Variants in SYT1 observed in about 807,000 individuals in gnomAD.
SYT1 encodes the protein synaptotagmin 1, also known as synaptotagmin-1.
SYT1 carries 8 observed loss-of-function variants against 44.8 expected under a neutral mutation model. The ratio of observed to expected loss-of-function variants is 0.18; its 90% CI spans 0.10 to 0.32. The LOEUF is 0.32. Ranked by LOEUF, SYT1 falls within the 10% of genes least tolerant of loss-of-function variation. SYT1 has a pLI of 1.00. For synonymous variants in SYT1, 154 were observed against 188.8 expected (o/e 0.82, Z 1.51); for missense variants, 286 against 509.3 (o/e 0.56, Z 4.22).
rs549219307 is a variant in SYT1 at position 79,060,475 on chromosome 12, C to T, written c.-18+13113C>T. 3.9e-5 allele frequency among the ~76,000 whole-genome samples: 6 copies of T among 152,102 alleles called. No individual in the cohort carries two copies. In the East Asian group the frequency reaches 9.7e-4, roughly 25 times the overall value. On this transcript the variant is annotated intron_variant, in intron 3 of 10. Coordinates refer to ENST00000261205, the MANE Select transcript of SYT1 (RefSeq NM_005639.3). ...CTCCGTACATATTAAACAGCAACTCCCCATTCCCCCTCCCTGCAGCCCCTG... is the reference window on the plus strand; with the variant it reads ...CTCCGTACATATTAAACAGCAACTCTCCATTCCCCCTCCCTGCAGCCCCTG...
chr12:78,972,147 T>C (rs1868425574), intron 1 of SYT1, among the ~76,000 whole-genome samples: 1 of 152,108 alleles, frequency 6.6e-6, no homozygotes, highest in South Asian at 2.1e-4. Context: ...TCTTCTATTT[T>C]CTCCCCCATT....
At chr12:78,937,286 G>A (rs989278062) in intron 1 of SYT1, among the ~76,000 whole-genome samples, 2 of 152,024 alleles carry the variant, frequency 1.3e-5, no homozygotes, top group African/African-American at 4.8e-5. Context: ...TTGGAGATAG[G>A]AGGAACAGTA....
At chr12:79,294,773 T>G (rs1015901213) in intron 6 of SYT1, among the ~76,000 whole-genome samples, 1 of 152,158 alleles carries the variant, frequency 6.6e-6, no homozygotes, top group African/African-American at 2.4e-5. Flanking sequence ...GACTGTTTCC[T>G]TTACTAATCA....
chr12:78,870,077 A>T (rs1773618381), intron 1 of SYT1, among the ~76,000 whole-genome samples: 1 of 152,082 alleles, frequency 6.6e-6, no homozygotes, highest in Non-Finnish European at 1.5e-5. Context: ...TTCCATGTAG[A>T]ACGGGAATGG....
chr12:79,179,021 G>GAT (rs1408222807), intron 3 of SYT1, among the ~76,000 whole-genome samples: 11 of 31,020 alleles, frequency 3.5e-4, no homozygotes, highest in South Asian at 3.3e-3. Flanking sequence ...TATAGATATA[G>GAT]ATATAGATAT....
rs1472934197 is a variant in SYT1, at chr12:79,330,022, T to G, written c.811-23480T>G. 2.0e-5 allele frequency among the ~76,000 whole-genome samples: 3 copies of G among 152,198 alleles called. No individual in the cohort carries two copies. In the East Asian group the frequency reaches 5.8e-4, roughly 29 times the overall value. On this transcript the variant is annotated intron_variant, in intron 8 of 10. Transcript: ENST00000261205. The stretch of plus-strand genomic sequence containing the variant: ...CCCTATAAGGAGAGAGGAATAAATT[T>G]TATTACCCCTCCTGAGTCAAGGCAC...
intron 3 of SYT1, among the ~76,000 whole-genome samples, chr12:79,170,312 C>T (rs760885019): frequency 1.4e-4 from 21 of 152,140 alleles, no homozygotes; most frequent in South Asian, 4.1e-4. Flanking sequence ...TACACTCCCA[C>T]CAACAATGTA....
chr12:78,968,135 G>T (rs539954703), intron 1 of SYT1, among the ~76,000 whole-genome samples: 3 of 152,080 alleles, frequency 2.0e-5, no homozygotes, highest in Non-Finnish European at 2.9e-5. Flanking sequence ...GGAGTATATG[G>T]TTAAATAGGA....
At chr12:78,884,656 A>G (rs1449898621) in intron 1 of SYT1, among the ~76,000 whole-genome samples, 2 of 151,230 alleles carry the variant, frequency 1.3e-5, no homozygotes, top group African/African-American at 4.8e-5. Context: ...ACATTCAGAC[A>G]TTATAAATAA....
rs565776083 is a variant in SYT1, at chr12:78,909,997, G to A, written c.-217+44888G>A. On this transcript the variant is annotated intron_variant, in intron 1 of 10. Coordinates refer to ENST00000261205, the MANE Select transcript of SYT1 (RefSeq NM_005639.3). ...TTGTTTGACCCCTTCTTCCTCCTCT[G>A]TTCACATATATCCAGCTTGGCATTA... 3.9e-5 allele frequency among the ~76,000 whole-genome samples: 6 copies of A among 151,944 alleles called. No individual in the cohort carries two copies. In the South Asian group the frequency reaches 8.3e-4, roughly 21 times the overall value.
chr12:78,971,546 TAA>T (rs1224630992), intron 1 of SYT1, among the ~76,000 whole-genome samples: 2 of 152,194 alleles, frequency 1.3e-5, no homozygotes, highest in African/African-American at 2.4e-5. Context: ...AAAAATTATA[TAA>T]AGTTTCTTGT....
chr12:79,267,985 G>A (rs1482299311), intron 4 of SYT1, among the ~76,000 whole-genome samples: 1 of 152,144 alleles, frequency 6.6e-6, no homozygotes, highest in Non-Finnish European at 1.5e-5. Context: ...TACATGTGCA[G>A]ATAAAACGTC....
intron 2 of SYT1, among the ~76,000 whole-genome samples, chr12:79,001,465 G>A (rs1165961486): frequency 6.6e-6 from 1 of 152,060 alleles, no homozygotes; most frequent in African/African-American, 2.4e-5. Context: ...TTCAAACAAC[G>A]CATTTAAGGA....
At chr12:78,876,861 TATATA>T (rs1874170434) in intron 1 of SYT1, among the ~76,000 whole-genome samples, 1 of 4,432 alleles carries the variant, frequency 2.3e-4, no homozygotes, top group East Asian at 6.7e-3. Flanking sequence ...ATATATAATA[TATATA>T]ATATATTATA....
At chr12:79,276,567 T>C (rs1878736707) in intron 4 of SYT1, among the ~76,000 whole-genome samples, 1 of 151,104 alleles carries the variant, frequency 6.6e-6, no homozygotes, top group South Asian at 2.1e-4. Flanking sequence ...TCCCAGCTAC[T>C]AGGGTGGCTG....
intron 2 of SYT1, among the ~76,000 whole-genome samples, chr12:78,999,249 AT>A (rs1198113987): frequency 6.6e-6 from 1 of 152,156 alleles, no homozygotes; most frequent in East Asian, 1.9e-4. Context: ...TTGAAACTTC[AT>A]TTGCAACATT....
chr12:79,104,269 A>T (rs1878594164), intron 3 of SYT1, among the ~76,000 whole-genome samples: 1 of 151,998 alleles, frequency 6.6e-6, no homozygotes, highest in African/African-American at 2.4e-5. Context: ...AAAACTGTAG[A>T]AAGTATATAA....
chr12:79,248,952 T>C (rs1023058292), intron 4 of SYT1, among the ~76,000 whole-genome samples: 1 of 152,204 alleles, frequency 6.6e-6, no homozygotes, highest in Non-Finnish European at 1.5e-5. Flanking sequence ...AATAAACTGA[T>C]TTTATTTCTC....
At chr12:79,068,528 A>G (rs1341112023) in intron 3 of SYT1, among the ~76,000 whole-genome samples, 1 of 152,146 alleles carries the variant, frequency 6.6e-6, no homozygotes, top group Non-Finnish European at 1.5e-5. Context: ...TATGCTCTGG[A>G]AGTGTTTTCT....
Sources: allele counts gnomAD v4.1 joint callset (sites outside exome capture counted in the v4.1 genomes callset), GRCh38; gene constraint gnomAD v4.1.1; transcripts MANE v1.5; gene names NCBI Gene and HGNC (gene_info 2026-07-23, HGNC 2026-07-21).